The following TLR9 variants were observed in gnomAD, a reference collection of about 807,000 sequenced individuals.
TLR9 encodes toll-like receptor 9.
Under a neutral mutation model 24.6 loss-of-function variants are expected in TLR9, and 19 were observed. The observed-to-expected ratio is 0.77, with a 90% CI of 0.54 to 1.13. The LOEUF is 1.13. TLR9 is among the 50% of genes most tolerant of loss of function. The pLI, the probability that TLR9 is intolerant of heterozygous loss-of-function variation, is 0.00. For synonymous variants in TLR9, 579 were observed against 609.8 expected (o/e 0.95, Z 0.74); for missense variants, 1,065 against 1,379.6 (o/e 0.77, Z 3.61).
Position 52,222,603 on chromosome 3 carries a change from C to T in TLR9, c.1713G>A (p.Val571=). The change falls in exon 2 of 2, where the codon GTG becomes GTA. Residue 571 remains valine (V), a synonymous_variant. Transcript: ENST00000360658. ...GGTGGCGCAGGGTGCGCAGGTGAGC[C>T]ACGAAGCTGAAGTTGTGGCCCACGC... ...MQGVGHNFSF[V]AHLRTLRHLS... 6.2e-7 allele frequency: 1 copy of T among 1,614,144 alleles called. No individual in the cohort carries two copies. Among genetic ancestry groups the T allele is most frequent in the Non-Finnish European group, 8.5e-7 (1 of 1,180,022 alleles).
At position 52,221,598 on chromosome 3, in the gene TLR9, C is replaced by T; in HGVS notation, c.2718G>A (p.Leu906=). ...GCAGCCAGTCGCGTTCCTCCAGGCACAGGCGGAGTGCCCAGCGCCCACGGC... is the reference window on the plus strand; with the variant it reads ...GCAGCCAGTCGCGTTCCTCCAGGCATAGGCGGAGTGCCCAGCGCCCACGGC... The part of the protein sequence containing the change: ...EECRGRWALR[L]CLEERDWLPG... The change falls in exon 2 of 2, where the codon CTG becomes CTA. Residue 906 remains leucine (L), a synonymous_variant. Transcript: ENST00000360658. This position sits in a 1 kb window ranked among gnomAD's most constrained non-coding sequence, Gnocchi z 9.9. The T allele has an allele frequency of 6.2e-7, 1 of 1,613,316 alleles. No homozygotes were observed. The highest frequency in any genetic ancestry group is 8.5e-7 in the Non-Finnish European group (1 of 1,179,844).
chr3:52,222,937 G>A lies in TLR9; in HGVS notation c.1379C>T (p.Thr460Ile). ...PGDLAPAPVD[T>I]PSSEDFRPNC... is the part of the protein sequence containing the mutation. Reference sequence around the variant, plus strand: ...GGGCCTGAAGTCTTCAGAGCTGGGAGTGTCCACTGGGGCCGGAGCAAGGTC... The same window carrying A: ...GGGCCTGAAGTCTTCAGAGCTGGGAATGTCCACTGGGGCCGGAGCAAGGTC... Residue 460 changes from threonine to isoleucine, a missense_variant, in exon 2 of 2, where the codon ACT becomes ATT. Thr to Ile is a moderately conservative substitution (Grantham distance 89). Coordinates refer to ENST00000360658, the MANE Select transcript of TLR9 (RefSeq NM_017442.4). 2 of 1,600,202 alleles carry A rather than the reference G, an allele frequency of 1.2e-6. No homozygotes were observed. Among genetic ancestry groups the A allele is most frequent in the African/African-American group, 1.3e-5 (1 of 74,872 alleles).
chr3:52,223,809 C>T lies in TLR9; in HGVS notation c.507G>A (p.Leu169=). The T allele has an allele frequency of 3.7e-6, 6 of 1,602,398 alleles. No individual in the cohort carries two copies. The highest frequency in any genetic ancestry group is 5.1e-6 in the Non-Finnish European group (6 of 1,173,522). The change falls in exon 2 of 2, where the codon CTG becomes CTA. Residue 169 remains leucine (L), a synonymous_variant. Transcript: ENST00000360658. ...DSASLAGLHA[L]RFLFMDGNCY... ...AGTTGCCGTCCATGAATAGGAAGCGCAGGGCATGCAGGCCGGCGAGGCTGG... is the reference window on the plus strand; with the variant it reads ...AGTTGCCGTCCATGAATAGGAAGCGTAGGGCATGCAGGCCGGCGAGGCTGG...
In TLR9 at chr3:52,222,742, A is replaced by G; in HGVS notation, c.1574T>C (p.Val525Ala). 6.2e-7 allele frequency: 1 copy of G among 1,613,970 alleles called. No homozygotes were observed. Among genetic ancestry groups the G allele is most frequent in the East Asian group, 2.2e-5 (1 of 44,882 alleles). Residue 525 changes from valine (V) to alanine (A), a missense_variant, in exon 2 of 2, where the codon GTG becomes GCG. Coordinates refer to ENST00000360658, the MANE Select transcript of TLR9 (RefSeq NM_017442.4). ...SQFLPLTGLQ[V>A]LDLSHNKLDL... ...CAGCTTATTGTGGGACAGGTCTAGC[A>G]CCTGCAGACCGGTCAGCGGCAGGAA...
chr3:52,225,016 G>A (rs1205740503), intron 1 of TLR9, among the ~76,000 whole-genome samples: 1 of 152,188 alleles, frequency 6.6e-6, no homozygotes, highest in Non-Finnish European at 1.5e-5. Flanking sequence ...CAGTCTCCTC[G>A]TCCCCTCTGG....
In TLR9 at chr3:52,221,314, C is replaced by G. The variant is rs376972467; in HGVS notation, c.3002G>C (p.Gly1001Ala). ...CAGCTGGGCCCAGAAGCTGCGCTGA[C>G]CACTGGGCTGGTGGGGCCAGAGGAG... ...SVLLWPHQPS[G>A]QRSFWAQLGM... is the part of the protein sequence containing the mutation. Residue 1001 changes from glycine (G) to alanine (A), a missense_variant, in exon 2 of 2, where the codon GGT becomes GCT. Coordinates refer to ENST00000360658, the MANE Select transcript of TLR9 (RefSeq NM_017442.4). This position sits in a 1 kb window ranked among gnomAD's most constrained non-coding sequence, Gnocchi z 9.9. The G allele has an allele frequency of 3.8e-6, 6 of 1,561,528 alleles. No individual in the cohort carries two copies. Among genetic ancestry groups the G allele is most frequent in the Non-Finnish European group, 4.3e-6 (5 of 1,153,056 alleles).
At position 52,221,215 on chromosome 3, in the gene TLR9, G is replaced by C; in HGVS notation, c.*2C>G. 6.6e-7 allele frequency: 1 copy of C among 1,511,434 alleles called. No individual in the cohort carries two copies. Among genetic ancestry groups the C allele is most frequent in the Middle Eastern group, 1.8e-4 (1 of 5,570 alleles). The allele number at this position is 1,511,434 out of a possible 1,614,324, so 93.6% of individuals were successfully genotyped here. On this transcript the variant is annotated 3_prime_UTR_variant, in exon 2 of 2. Coordinates refer to ENST00000360658, the MANE Select transcript of TLR9 (RefSeq NM_017442.4). This position sits in a 1 kb window ranked among gnomAD's most constrained non-coding sequence, Gnocchi z 9.9. ...GGCACCGTGCAGGATTCCGGCTCAC[G>C]GCTATTCGGCCGTGGGTCCCTGGCA...
In TLR9 at chr3:52,222,021, G is replaced by A. The variant is rs201512866; in HGVS notation, c.2295C>T (p.Ala765=). 3.7e-6 allele frequency: 6 copies of A among 1,610,388 alleles called. No individual in the cohort carries two copies. The highest frequency in any genetic ancestry group is 2.2e-5 in the East Asian group (1 of 44,848). ...GGAAGTCCATAAAGGCCGCCCCACA[G>A]GCGCAGTGCAGAGGGTTGGCGCTTA... ...LDVSANPLHC[A]CGAAFMDFLL... Residue 765 remains alanine (A), a synonymous_variant, in exon 2 of 2, where the codon GCC becomes GCT. Transcript: ENST00000360658.
rs1410273857 is a variant in TLR9 at position 52,223,040 on chromosome 3, G to A, written c.1276C>T (p.Arg426Cys). The change falls in exon 2 of 2, where the codon CGC becomes TGC. Residue 426 changes from arginine (R) to cysteine (C), a missense_variant. Coordinates refer to ENST00000360658, the MANE Select transcript of TLR9 (RefSeq NM_017442.4). ...GLRYVDLSDNRISGASELTAT... is the reference protein window; with the variant it reads ...GLRYVDLSDNCISGASELTAT... ...GTCAGCTCCGAAGCTCCGCTGATGC[G>A]GTTGTCCGACAGGTCCACGTAGCGC... is the stretch of plus-strand genomic sequence containing the variant. The A allele has an allele frequency of 1.6e-5, 26 of 1,589,376 alleles. No individual in the cohort carries two copies. Among genetic ancestry groups the A allele is most frequent in the Admixed American group, 1.2e-4 (7 of 57,744 alleles).
chr3:52,225,365 A>G (rs929045163), intron 1 of TLR9, among the ~76,000 whole-genome samples, 162 bp downstream of exon 1: 1 of 151,842 alleles, frequency 6.6e-6, no homozygotes, highest in Non-Finnish European at 1.5e-5. Flanking sequence ...AAAAGAAAAA[A>G]GAAGAGGGCT....
Position 52,223,056 on chromosome 3 carries a change from C to T in TLR9, c.1260G>A (p.Val420=). ...CGCTGATGCGGTTGTCCGACAGGTCCACGTAGCGCAGGCCAGGGAAGGCCC... is the reference window on the plus strand; with the variant it reads ...CGCTGATGCGGTTGTCCGACAGGTCTACGTAGCGCAGGCCAGGGAAGGCCC... ...IFRAFPGLRY[V]DLSDNRISGA... The change falls in exon 2 of 2, where the codon GTG becomes GTA. Residue 420 remains valine (V), a synonymous_variant. Coordinates refer to ENST00000360658, the MANE Select transcript of TLR9 (RefSeq NM_017442.4). 1.3e-6 allele frequency: 2 copies of T among 1,595,972 alleles called. No homozygotes were observed. Among genetic ancestry groups the T allele is most frequent in the Non-Finnish European group, 1.7e-6 (2 of 1,169,360 alleles).
rs777172861 is a variant in TLR9, at chr3:52,221,517, C to T, written c.2799G>A (p.Thr933=). The T allele has an allele frequency of 6.8e-6, 11 of 1,612,864 alleles. No homozygotes were observed. The highest frequency in any genetic ancestry group is 3.3e-5 in the Admixed American group (2 of 60,004). The change falls in exon 2 of 2, where the codon ACG becomes ACA. Residue 933 remains threonine, a synonymous_variant. Transcript: ENST00000360658. The surrounding 1 kb of genome is among the most constrained non-coding windows in gnomAD (Gnocchi z 9.9). Reference sequence around the variant, plus strand: ...GGTCCGTGTGGGCCAGCACAAACAGCGTCTTGCGGCTGCCATAGACCGAGG... The same window carrying T: ...GGTCCGTGTGGGCCAGCACAAACAGTGTCTTGCGGCTGCCATAGACCGAGG... ...LWASVYGSRK[T]LFVLAHTDRV...
At position 52,222,583 on chromosome 3, in the gene TLR9, C is replaced by T. The variant is rs200751137; in HGVS notation, c.1733G>A (p.Arg578His). The T allele has an allele frequency of 9.3e-6, 15 of 1,613,970 alleles. No individual in the cohort carries two copies. In the African/African-American group the frequency reaches 1.1e-4, roughly 11 times the overall value. ...FSFVAHLRTL[R>H]HLSLAHNNIH... is the part of the protein sequence containing the mutation. Reference sequence around the variant, plus strand: ...GTTGTTGTGGGCCAGGCTGAGGTGGCGCAGGGTGCGCAGGTGAGCCACGAA... The same window carrying T: ...GTTGTTGTGGGCCAGGCTGAGGTGGTGCAGGGTGCGCAGGTGAGCCACGAA... Residue 578 changes from arginine to histidine, a missense_variant, in exon 2 of 2, where the codon CGC becomes CAC. By Grantham distance (29) the Arg-to-His change is conservative. Coordinates refer to ENST00000360658, the MANE Select transcript of TLR9 (RefSeq NM_017442.4).
chr3:52,224,493 C>T (rs1699602096), intron 1 of TLR9, among the ~76,000 whole-genome samples, 181 bp from the exon 2 acceptor site: 1 of 152,216 alleles, frequency 6.6e-6, no homozygotes, highest in South Asian at 2.1e-4. Context: ...TGAACTCAGT[C>T]TCAGACCCAG....
chr3:52,223,151 G>C lies in TLR9; in HGVS notation c.1165C>G (p.Arg389Gly). ...CGCAGAGTCTGGAGCATGGGCAGGC[G>C]GGCCAGTGGCCGGAGCGTGGTCTCA... ...LDETTLRPLARLPMLQTLRLQ... is the reference protein window; with the variant it reads ...LDETTLRPLAGLPMLQTLRLQ... The change falls in exon 2 of 2, where the codon CGC (arginine) becomes GGC (glycine). Residue 389 changes from arginine (R) to glycine (G), a missense_variant. Coordinates refer to ENST00000360658, the MANE Select transcript of TLR9 (RefSeq NM_017442.4). The C allele has an allele frequency of 6.2e-7, 1 of 1,613,918 alleles. No individual in the cohort carries two copies. The highest frequency in any genetic ancestry group is 8.5e-7 in the Non-Finnish European group (1 of 1,179,934).
chr3:52,225,606 C>G lies in TLR9; in HGVS notation c.-77G>C. 6.4e-7 allele frequency: 1 copy of G among 1,565,198 alleles called. No homozygotes were observed. Reference sequence around the variant, plus strand: ...GCTACAGGGAAGGATGCTTCACACTCGAGGTCCCTTCCCACAGGGGCAGCA... The same window carrying G: ...GCTACAGGGAAGGATGCTTCACACTGGAGGTCCCTTCCCACAGGGGCAGCA... On this transcript the variant is annotated 5_prime_UTR_variant, in exon 1 of 2. Transcript: ENST00000360658.
At position 52,225,605 on chromosome 3, in the gene TLR9, T is replaced by G; in HGVS notation, c.-76A>C. 6.4e-7 allele frequency: 1 copy of G among 1,566,148 alleles called. No individual in the cohort carries two copies. The highest frequency in any genetic ancestry group is 8.6e-7 in the Non-Finnish European group (1 of 1,159,196). On this transcript the variant is annotated 5_prime_UTR_variant, in exon 1 of 2. Coordinates refer to ENST00000360658, the MANE Select transcript of TLR9 (RefSeq NM_017442.4). ...AGCTACAGGGAAGGATGCTTCACAC[T>G]CGAGGTCCCTTCCCACAGGGGCAGC... is the stretch of plus-strand genomic sequence containing the variant.
rs1699573440 is a variant in TLR9, at chr3:52,222,578, G to A, written c.1738C>T (p.Leu580Phe). 6.2e-7 allele frequency: 1 copy of A among 1,614,158 alleles called. No individual in the cohort carries two copies. The highest frequency in any genetic ancestry group is 2.2e-5 in the East Asian group (1 of 44,872). ...TGGATGTTGTTGTGGGCCAGGCTGAGGTGGCGCAGGGTGCGCAGGTGAGCC... is the reference window on the plus strand; with the variant it reads ...TGGATGTTGTTGTGGGCCAGGCTGAAGTGGCGCAGGGTGCGCAGGTGAGCC... ...FVAHLRTLRH[L>F]SLAHNNIHSQ... The change falls in exon 2 of 2, where the codon CTC becomes TTC. Residue 580 changes from leucine to phenylalanine, a missense_variant. Physicochemically the swap from Leu to Phe is conservative, Grantham distance 22. Transcript: ENST00000360658.
intron 1 of TLR9, among the ~76,000 whole-genome samples, 180 bp from the exon 2 acceptor site, chr3:52,224,492 T>G (rs1699602061): frequency 6.6e-6 from 1 of 152,120 alleles, no homozygotes; most frequent in Admixed American, 6.5e-5. Flanking sequence ...CTGAACTCAG[T>G]CTCAGACCCA....
Sources: allele counts gnomAD v4.1 joint callset (sites outside exome capture counted in the v4.1 genomes callset), GRCh38; gene constraint gnomAD v4.1.1; non-coding constraint Gnocchi (gnomAD v3.1); transcripts MANE v1.5; gene names NCBI Gene and HGNC (gene_info 2026-07-23, HGNC 2026-07-21).